FNIP1: variants seen among roughly 807,000 people sequenced by gnomAD.
FNIP1 encodes the protein folliculin-interacting protein 1.
A neutral mutation model predicts 124.5 loss-of-function variants in FNIP1; 40 were observed. The ratio of observed to expected loss-of-function variants is 0.32; its 90% CI spans 0.25 to 0.42. The LOEUF (loss-of-function observed/expected upper bound fraction) is 0.42, where lower values mean the gene tolerates loss of function less well. FNIP1 is among the 10% of genes least tolerant of loss of function. The pLI is 1.00. For missense variants in FNIP1, 1,176 were observed against 1,403.7 expected, an observed-to-expected ratio of 0.84 and a Z score of 2.59; for synonymous variants, 472 against 470.6, an observed-to-expected ratio of 1.00 and a Z score of -0.04.
In FNIP1 at chr5:131,720,562, T is replaced by C. The variant is rs533656134; in HGVS notation, c.355-1145A>G. 2.6e-3 allele frequency among the ~76,000 whole-genome samples: 390 copies of C among 152,032 alleles called. 5 individuals are homozygous for C. Among genetic ancestry groups the C allele is most frequent in the South Asian group, 0.02 (96 of 4,816 alleles). On this transcript the variant is annotated intron_variant, in intron 3 of 17. Transcript: ENST00000510461. ...ATCAAGAGGGCAAAAAGATAAAATA[T>C]GGAATGGGAAAAGATAAAATATGGA... is the stretch of plus-strand genomic sequence containing the variant.
chr5:131,750,892 C>A (rs1409396152), intron 1 of FNIP1, among the ~76,000 whole-genome samples: 4 of 152,066 alleles, frequency 2.6e-5, no homozygotes, highest in Non-Finnish European at 4.4e-5. Context: ...CCACACCTGG[C>A]CAATACATTC....
At chr5:131,735,624 A>T (rs1232420095) in intron 2 of FNIP1, among the ~76,000 whole-genome samples, 1 of 149,174 alleles carries the variant, frequency 6.7e-6, no homozygotes, top group Non-Finnish European at 1.5e-5. Context: ...ATATTTATAT[A>T]TGTATACGTA....
At chr5:131,756,252 G>C (rs777957197) in intron 1 of FNIP1, among the ~76,000 whole-genome samples, 1 of 152,090 alleles carries the variant, frequency 6.6e-6, no homozygotes, top group Non-Finnish European at 1.5e-5. Context: ...AAAAGGAACA[G>C]TGAGGAATAG....
Position 131,709,088 on chromosome 5 carries a change from C to G in FNIP1, c.778+113G>C, listed in dbSNP as rs1365810121. ...TTTGCTCTGGTCTTTTCACAGTTCTCTTGTAAGGCTAATATCAATATGAAC... is the reference window on the plus strand; with the variant it reads ...TTTGCTCTGGTCTTTTCACAGTTCTGTTGTAAGGCTAATATCAATATGAAC... On this transcript the variant is annotated intron_variant, in intron 8 of 17. Coordinates refer to ENST00000510461, the MANE Select transcript of FNIP1 (RefSeq NM_133372.3). The G allele has an allele frequency of 2.3e-5, 19 of 813,944 alleles. No individual in the cohort carries two copies. The Admixed American group carries it at 3.8e-4, about 16-fold the overall frequency. The allele number at this position is 813,944 out of a possible 1,614,324, so 50.4% of individuals were successfully genotyped here. A position where few individuals can be genotyped will look rare whatever the true frequency, so the allele number is the denominator to read the frequency against.
rs1291284936 is a variant in FNIP1 at position 131,672,871 on chromosome 5, C to T, written c.1573G>A (p.Val525Ile). The T allele has an allele frequency of 6.2e-7, 1 of 1,601,464 alleles. No individual in the cohort carries two copies. The highest frequency in any genetic ancestry group is 1.3e-5 in the African/African-American group (1 of 74,206). ...TGGACCATGTCTTGTCGTTTGCCAA[C>T]TACCACAGTCCTTGCTAACCGTACG... ...SPVRLARTVV[V>I]GKRQDMVQRL... is the part of the protein sequence containing the mutation. The change falls in exon 14 of 18, where the codon GTT becomes ATT. Residue 525 changes from valine (V) to isoleucine (I), a missense_variant. Val to Ile is a conservative substitution (Grantham distance 29). Around this residue, in one of 2 missense-constraint regions of FNIP1, gnomAD observed 1,109 missense variants for 1,288.5 expected, o/e 0.86. Transcript: ENST00000510461.
chr5:131,757,622 G>A (rs570696718), intron 1 of FNIP1, among the ~76,000 whole-genome samples: 89 of 151,120 alleles, frequency 5.9e-4, no homozygotes, highest in African/African-American at 2.0e-3. Flanking sequence ...GAAGAATTAC[G>A]GCCTCTGAAG....
At chr5:131,765,053 C>T (rs927938262) in intron 1 of FNIP1, among the ~76,000 whole-genome samples, 5 of 151,912 alleles carry the variant, frequency 3.3e-5, no homozygotes, top group African/African-American at 1.2e-4. Context: ...TGAGCCCCTG[C>T]CTCTACAAAA....
At chr5:131,679,251 T>C in intron 11 of FNIP1, 76 bp from the exon 12 acceptor site, 1 of 872,554 alleles carries the variant, frequency 1.1e-6, no homozygotes, top group Non-Finnish European at 1.9e-6. Flanking sequence ...TAAGTTTATA[T>C]TGCCAGCTTG....
chr5:131,765,810 A>C (rs531204802), intron 1 of FNIP1, among the ~76,000 whole-genome samples: 1 of 152,266 alleles, frequency 6.6e-6, no homozygotes, highest in South Asian at 2.1e-4. Context: ...CCCACTTATC[A>C]ACTCTACTTT....
At chr5:131,749,621 A>G (rs530429443) in intron 1 of FNIP1, among the ~76,000 whole-genome samples, 3 of 152,112 alleles carry the variant, frequency 2.0e-5, no homozygotes, top group Admixed American at 2.0e-4. Context: ...CAAACTCCTG[A>G]CCTCAGGTGA....
intron 3 of FNIP1, among the ~76,000 whole-genome samples, chr5:131,726,054 G>A (rs191862737): frequency 7.2e-5 from 11 of 152,234 alleles, no homozygotes; most frequent in African/African-American, 2.6e-4. Context: ...CGACTTGATC[G>A]TGGTGGATAG....
At chr5:131,674,402 G>C (rs1324987952) in intron 13 of FNIP1, among the ~76,000 whole-genome samples, 1 of 152,154 alleles carries the variant, frequency 6.6e-6, no homozygotes, top group Admixed American at 6.6e-5. Flanking sequence ...AATTAAACCA[G>C]TAATTTCAGT....
At chr5:131,727,023 T>C (rs975958105) in intron 3 of FNIP1, among the ~76,000 whole-genome samples, 2 of 152,232 alleles carry the variant, frequency 1.3e-5, no homozygotes, top group East Asian at 1.9e-4. Context: ...CTGTTTGTTA[T>C]GATTTCCATT....
At chr5:131,670,401 T>C (rs1476552979) in intron 15 of FNIP1, 62 bp downstream of exon 15, 1 of 1,404,002 alleles carries the variant, frequency 7.1e-7, no homozygotes, top group African/African-American at 1.5e-5. Flanking sequence ...AAGGCAATTT[T>C]GGGTTCTGCT....
intron 1 of FNIP1, 113 bp downstream of exon 1, chr5:131,796,717 T>C (rs1270278946): frequency 6.1e-6 from 6 of 976,700 alleles, no homozygotes; most frequent in African/African-American, 5.1e-5. Context: ...GACCAGATGC[T>C]GCTCTCGGCG....
chr5:131,678,113 T>C (rs1238782137), intron 12 of FNIP1, among the ~76,000 whole-genome samples: 2 of 152,342 alleles, frequency 1.3e-5, no homozygotes, highest in Non-Finnish European at 1.5e-5. Flanking sequence ...ATAAGAGCTA[T>C]TGCAGATCGT....
At chr5:131,680,157 C>T (rs1468634479) in intron 11 of FNIP1, among the ~76,000 whole-genome samples, 1 of 152,108 alleles carries the variant, frequency 6.6e-6, no homozygotes, top group Non-Finnish European at 1.5e-5. Flanking sequence ...GTTAAATAGC[C>T]ACATGTGGCT....
At chr5:131,776,427 T>C (rs551368416) in intron 1 of FNIP1, among the ~76,000 whole-genome samples, 2 of 152,298 alleles carry the variant, frequency 1.3e-5, no homozygotes, top group East Asian at 1.9e-4. Context: ...GAAAGACATA[T>C]ATAAAAATAT....
chr5:131,649,656 C>T (rs576565890), intron 16 of FNIP1, among the ~76,000 whole-genome samples: 1 of 152,138 alleles, frequency 6.6e-6, no homozygotes, highest in Admixed American at 6.5e-5. Context: ...TTGATGAAAT[C>T]CAATTTATCT....
Sources: allele counts gnomAD v4.1 joint callset (sites outside exome capture counted in the v4.1 genomes callset), GRCh38; gene constraint gnomAD v4.1.1; regional missense constraint gnomAD v4.1.1; transcripts MANE v1.5; gene names NCBI Gene and HGNC (gene_info 2026-07-23, HGNC 2026-07-21).